COL21A1: variants seen among roughly 807,000 people sequenced by gnomAD.
The protein encoded by COL21A1 is collagen alpha-1(XXI) chain.
Under a neutral mutation model 137.9 loss-of-function variants are expected in COL21A1, and 149 were observed. That is an observed-to-expected ratio of 1.08 (90% CI 0.95 to 1.24). COL21A1 has a LOEUF of 1.24. COL21A1 is among the 50% of genes most tolerant of loss of function. COL21A1 has a pLI of 0.00. For missense variants in COL21A1, 1,167 were observed against 1,158.4 expected, an observed-to-expected ratio of 1.01 and a Z score of -0.11; for synonymous variants, 456 against 391.5, an observed-to-expected ratio of 1.16 and a Z score of -1.95.
At position 56,171,087 on chromosome 6, in the gene COL21A1, C is replaced by A. The variant is rs1201996778; in HGVS notation, c.682G>T (p.Glu228Ter). The change falls in exon 4 of 30, where the codon GAA (glutamate) becomes TAA (stop). Residue 228 changes from glutamate to a stop codon, truncating the protein, a stop_gained. Transcript: ENST00000244728. LOFTEE classifies it high-confidence loss of function. ...PTRIPVAARD[E>*]RGFDILLGLD... is the part of the protein sequence containing the mutation. ...CCTAAAAGAATATCAAATCCCCTTT[C>A]ATCACGAGCTGCCACTGGAATTCGT... 5 of 1,607,894 alleles carry A rather than the reference C, an allele frequency of 3.1e-6. No homozygotes were observed. In the African/African-American group the frequency reaches 6.7e-5, roughly 22 times the overall value.
intron 24 of COL21A1, 31 bp from the exon 25 acceptor site, chr6:56,061,712 A>G (rs1247998971): frequency 6.8e-7 from 1 of 1,472,716 alleles, no homozygotes; most frequent in Non-Finnish European, 9.4e-7. Flanking sequence ...AATATAATAA[A>G]TGTGCAAGCT....
chr6:56,345,938 A>G (rs1195468386), intron 1 of COL21A1, among the ~76,000 whole-genome samples: 1 of 152,184 alleles, frequency 6.6e-6, no homozygotes, highest in Non-Finnish European at 1.5e-5. Flanking sequence ...AGCATCACGT[A>G]TATTTCTATC....
intron 1 of COL21A1, among the ~76,000 whole-genome samples, chr6:56,333,375 A>C (rs2397217): frequency 0.67 from 101,650 of 150,756 alleles, 34,574 homozygotes; most frequent in East Asian, 0.9. Flanking sequence ...AAATTTATAC[A>C]GATAAACTCA....
intron 12 of COL21A1, among the ~76,000 whole-genome samples, chr6:56,126,892 T>C (rs12214918): frequency 0.15 from 22,835 of 152,156 alleles, 1,751 homozygotes; most frequent in Middle Eastern, 0.22. Context: ...TCCTAGCTTG[T>C]CTGGTAGACA....
intron 1 of COL21A1, among the ~76,000 whole-genome samples, chr6:56,364,494 G>A (rs1162024196): frequency 1.3e-5 from 2 of 152,238 alleles, no homozygotes; most frequent in Admixed American, 6.5e-5. Context: ...GACCCTTTGG[G>A]GAGACCCTCT....
At chr6:56,252,093 A>G (rs1782866920), upstream of COL21A1, among the ~76,000 whole-genome samples, 1 of 152,198 alleles carries the variant, frequency 6.6e-6, no homozygotes, top group African/African-American at 2.4e-5. Flanking sequence ...TTCTTTCAGA[A>G]TGAGCTTCAG....
chr6:56,354,994 G>T (rs1765799712), intron 1 of COL21A1, among the ~76,000 whole-genome samples: 1 of 152,098 alleles, frequency 6.6e-6, no homozygotes, highest in South Asian at 2.1e-4. Flanking sequence ...AAATAATTGG[G>T]CCTTTATCCT....
intron 12 of COL21A1, among the ~76,000 whole-genome samples, chr6:56,129,671 C>CGTGT (rs1773341967): frequency 1.2e-5 from 1 of 85,772 alleles, no homozygotes; most frequent in African/African-American, 6.0e-5. Context: ...CTGTCACGTG[C>CGTGT]GTGCGTGTGT....
intron 12 of COL21A1, among the ~76,000 whole-genome samples, chr6:56,133,479 T>C (rs927626753): frequency 2.6e-5 from 4 of 152,164 alleles, no homozygotes; most frequent in African/African-American, 7.2e-5. Context: ...TTTGGAAAAT[T>C]TGCAGCCTGA....
At chr6:56,090,714 G>GT (rs1206295435) in intron 17 of COL21A1, among the ~76,000 whole-genome samples, 2 of 151,698 alleles carry the variant, frequency 1.3e-5, no homozygotes, top group African/African-American at 4.8e-5. Context: ...TAGTAATATT[G>GT]TTTTATAATA....
chr6:56,147,525 C>CT (rs1774926760), intron 10 of COL21A1, among the ~76,000 whole-genome samples: 1 of 151,894 alleles, frequency 6.6e-6, no homozygotes, highest in East Asian at 1.9e-4. Flanking sequence ...TTATCACCAA[C>CT]CGAGAACTCT....
intron 20 of COL21A1, 33 bp from the exon 21 acceptor site, chr6:56,070,831 A>T (rs41271340): frequency 2.0e-6 from 3 of 1,532,166 alleles, no homozygotes; most frequent in African/African-American, 1.4e-5. Context: ...GGAGTTTTTT[A>T]AAAACAATTC....
chr6:56,346,895 G>A (rs776198032), intron 1 of COL21A1, among the ~76,000 whole-genome samples: 5 of 152,102 alleles, frequency 3.3e-5, no homozygotes, highest in African/African-American at 4.8e-5. Flanking sequence ...TATCCTCTGC[G>A]AGGATCTTGT....
chr6:56,078,114 G>A (rs564052623), intron 17 of COL21A1: 1 of 455,796 alleles, frequency 2.2e-6, no homozygotes, highest in African/African-American at 2.0e-5. Context: ...TGAAGAATAT[G>A]AAGACCACAG....
rs868809212 is a variant in COL21A1, at chr6:56,098,678, A to T, written c.1812+2794T>A. Among the ~76,000 whole-genome samples, 259 of 52,044 alleles carry T rather than the reference A, an allele frequency of 5.0e-3. 39 individuals carry two copies. Among genetic ancestry groups the T allele is most frequent in the African/African-American group, 0.02 (236 of 11,952 alleles). 34.1% of individuals were successfully genotyped at this position (52,044 alleles called of 152,430 possible). A position where few individuals can be genotyped will look rare whatever the true frequency, so the allele number is the denominator to read the frequency against. On this transcript the variant is annotated intron_variant, in intron 17 of 29. Coordinates refer to ENST00000244728, the MANE Select transcript of COL21A1 (RefSeq NM_030820.4). ...ATAAATATATATAAATATATATATA[A>T]ATATATATAAATATATAAATATATA...
At chr6:56,245,505 T>C (rs1027908036) in intron 1 of COL21A1, among the ~76,000 whole-genome samples, 2 of 152,154 alleles carry the variant, frequency 1.3e-5, no homozygotes, top group Non-Finnish European at 2.9e-5. Flanking sequence ...TTTAAGGTGG[T>C]TGAGGATTAT....
At chr6:56,064,518 G>T in intron 24 of COL21A1, 60 bp downstream of exon 24, 2 of 1,131,792 alleles carry the variant, frequency 1.8e-6, no homozygotes, top group Non-Finnish European at 1.3e-6. Context: ...TCCTCTCTCA[G>T]CATTGTCCAG....
intron 1 of COL21A1, among the ~76,000 whole-genome samples, chr6:56,204,039 G>A (rs1431027395): frequency 1.3e-5 from 2 of 152,078 alleles, no homozygotes; most frequent in African/African-American, 4.8e-5. Context: ...AAAACTGGGT[G>A]GCCGTTTGGG....
chr6:56,384,437 T>C (rs2094014124), intron 1 of COL21A1, among the ~76,000 whole-genome samples: 1 of 152,248 alleles, frequency 6.6e-6, no homozygotes, highest in Non-Finnish European at 1.5e-5. Context: ...TAAAATGTTT[T>C]GCATAAACTT....
Sources: allele counts gnomAD v4.1 joint callset (sites outside exome capture counted in the v4.1 genomes callset), GRCh38; gene constraint gnomAD v4.1.1; transcripts MANE v1.5; gene names NCBI Gene and HGNC (gene_info 2026-07-23, HGNC 2026-07-21).